Variants in ERBB4 observed in about 807,000 individuals in gnomAD.
ERBB4 encodes the protein receptor tyrosine-protein kinase erbB-4.
In ERBB4, 42 loss-of-function variants were observed where a neutral mutation model predicts 158.0. That is an observed-to-expected ratio of 0.27 (90% CI 0.21 to 0.34). The LOEUF (loss-of-function observed/expected upper bound fraction) is 0.34, where lower values mean the gene tolerates loss of function less well. Ranked by LOEUF, ERBB4 falls within the 10% of genes least tolerant of loss-of-function variation. The pLI is 1.00. For missense variants in ERBB4, 1,333 were observed against 1,624.1 expected (o/e 0.82, Z 3.08); for synonymous variants, 583 against 558.7 (o/e 1.04, Z -0.61).
At chr2:212,170,377 A>T (rs1399822304) in intron 1 of ERBB4, among the ~76,000 whole-genome samples, 2 of 152,164 alleles carry the variant, frequency 1.3e-5, no homozygotes, top group Non-Finnish European at 2.9e-5. Flanking sequence ...GCAGAGTATA[A>T]AAGTTTGGAA....
rs571642731 is a variant in ERBB4, at chr2:212,118,921, T to C, written c.234+5831A>G. ...TTCAAAAAACTATACTTTCTGACTT[T>C]TTCAAAGTCATTGCCTTTTACTATC... is the stretch of plus-strand genomic sequence containing the variant. On this transcript the variant is annotated intron_variant, in intron 2 of 27. Transcript: ENST00000342788. Among the ~76,000 whole-genome samples, 10 of 152,152 alleles carry C rather than the reference T, an allele frequency of 6.6e-5. No individual in the cohort carries two copies. In the East Asian group the frequency reaches 1.9e-3, roughly 29 times the overall value.
intron 2 of ERBB4, among the ~76,000 whole-genome samples, chr2:212,088,724 A>G (rs1368883205): frequency 1.3e-5 from 2 of 152,178 alleles, no homozygotes; most frequent in African/African-American, 2.4e-5. Flanking sequence ...GAAAAGACAC[A>G]TAATTCATAG....
chr2:211,570,419 GC>G (rs1340345334), intron 19 of ERBB4, among the ~76,000 whole-genome samples: 2 of 145,950 alleles, frequency 1.4e-5, no homozygotes, highest in African/African-American at 5.2e-5. Flanking sequence ...ACCCACCTTG[GC>G]CCCCCAAAGT....
chr2:211,444,546 T>G (rs1418394114), intron 20 of ERBB4, among the ~76,000 whole-genome samples: 1 of 152,122 alleles, frequency 6.6e-6, no homozygotes, highest in Non-Finnish European at 1.5e-5. Context: ...GTGTCCTATA[T>G]TTGTGTATAG....
chr2:212,099,226 G>A (rs1321151059), intron 2 of ERBB4, among the ~76,000 whole-genome samples: 2 of 151,550 alleles, frequency 1.3e-5, no homozygotes, highest in Admixed American at 1.3e-4. Context: ...ACTGCAGCCT[G>A]GGTGAAAAAG....
At chr2:212,372,991 G>T (rs2090141425) in intron 1 of ERBB4, among the ~76,000 whole-genome samples, 1 of 151,924 alleles carries the variant, frequency 6.6e-6, no homozygotes, top group African/African-American at 2.4e-5. Context: ...GCAGTAAATT[G>T]GTATAGAAAA....
In ERBB4 at chr2:211,422,120, G is replaced by T; in HGVS notation, c.2867-16C>A. 6.7e-7 allele frequency: 1 copy of T among 1,495,540 alleles called. No homozygotes were observed. Among genetic ancestry groups the T allele is most frequent in the Non-Finnish European group, 9.3e-7 (1 of 1,072,350 alleles). 92.6% of individuals were successfully genotyped at this position (1,495,540 alleles called of 1,614,324 possible). A position where few individuals can be genotyped will look rare whatever the true frequency, so the allele number is the denominator to read the frequency against. On this transcript the variant is annotated splice_polypyrimidine_tract_variant and intron_variant, in intron 23 of 27. Transcript: ENST00000342788. ...ATCATCCAACCTGGAAATTTACACA[G>T]TGAAAATGTCACTATATTCGTAACT...
intron 1 of ERBB4, among the ~76,000 whole-genome samples, chr2:212,219,853 C>T (rs1574460180): frequency 1.3e-5 from 2 of 150,538 alleles, no homozygotes; most frequent in East Asian, 3.9e-4. Flanking sequence ...TCAATGAAAA[C>T]AACCTTTTAT....
chr2:212,058,964 T>A (rs1333015950), intron 2 of ERBB4, among the ~76,000 whole-genome samples: 1 of 152,102 alleles, frequency 6.6e-6, no homozygotes. Flanking sequence ...GAGAAAGAAA[T>A]AAAGGGTATT....
chr2:211,623,657 C>T (rs545751031), intron 18 of ERBB4, among the ~76,000 whole-genome samples: 131 of 152,150 alleles, frequency 8.6e-4, no homozygotes, highest in Non-Finnish European at 7.9e-4. Flanking sequence ...ATATGACATA[C>T]GGGGCTCAGA....
chr2:212,487,106 G>A (rs956956844), intron 1 of ERBB4, among the ~76,000 whole-genome samples: 1 of 152,022 alleles, frequency 6.6e-6, no homozygotes, highest in African/African-American at 2.4e-5. Flanking sequence ...TACTAAATTA[G>A]ATAATCCCTT....
intron 1 of ERBB4, among the ~76,000 whole-genome samples, chr2:212,152,696 A>G (rs1401472754): frequency 6.6e-6 from 1 of 152,130 alleles, no homozygotes; most frequent in African/African-American, 2.4e-5. Flanking sequence ...CTAACTGCCT[A>G]TTGAATATCT....
At chr2:212,163,928 G>A (rs889784235) in intron 1 of ERBB4, among the ~76,000 whole-genome samples, 1 of 151,970 alleles carries the variant, frequency 6.6e-6, no homozygotes, top group Non-Finnish European at 1.5e-5. Flanking sequence ...AAGTAGCTGA[G>A]ACTACAGGTA....
intron 1 of ERBB4, among the ~76,000 whole-genome samples, chr2:212,446,995 C>CT (rs771259936): frequency 0.013 from 1,744 of 136,584 alleles, 32 homozygotes; most frequent in African/African-American, 0.04. Flanking sequence ...CCAAATTTTT[C>CT]TTTTTTTTTT....
At chr2:211,550,309 T>A (rs558210920) in intron 20 of ERBB4, among the ~76,000 whole-genome samples, 1 of 151,996 alleles carries the variant, frequency 6.6e-6, no homozygotes, top group South Asian at 2.1e-4. Flanking sequence ...GCTCTTTTCT[T>A]CTAACCCAAA....
chr2:212,342,479 T>C (rs1057061025), intron 1 of ERBB4, among the ~76,000 whole-genome samples: 1 of 152,180 alleles, frequency 6.6e-6, no homozygotes, highest in African/African-American at 2.4e-5. Flanking sequence ...TCTCTAGCCA[T>C]GTGGAACTGT....
chr2:211,389,076 C>T (rs2062746740), intron 25 of ERBB4, among the ~76,000 whole-genome samples: 1 of 152,160 alleles, frequency 6.6e-6, no homozygotes, highest in Non-Finnish European at 1.5e-5. Flanking sequence ...CGCTCTGTCA[C>T]CCAGGCTGGA....
intron 1 of ERBB4, among the ~76,000 whole-genome samples, chr2:212,454,922 C>A (rs117273439): frequency 2.0e-5 from 3 of 151,998 alleles, no homozygotes; most frequent in Non-Finnish European, 4.4e-5. Context: ...AAATGACCGC[C>A]ACCTCACTTC....
In ERBB4 at chr2:211,386,868, C is replaced by G. The variant is rs1420878966; in HGVS notation, c.3466G>C (p.Asp1156His). 2 of 1,614,142 alleles carry G rather than the reference C, an allele frequency of 1.2e-6. No individual in the cohort carries two copies. Among genetic ancestry groups the G allele is most frequent in the Admixed American group, 1.7e-5 (1 of 60,020 alleles). Residue 1156 changes from aspartate (D) to histidine (H), a missense_variant, in exon 27 of 28, where the codon GAC (aspartate) becomes CAC (histidine). This residue lies in a region of ERBB4 where 252 missense variants were observed against 241.3 expected (regional missense o/e 1.04). Transcript: ENST00000342788. The part of the protein sequence containing the change: ...DEEGYMTPMR[D>H]KPKQEYLNPV... ...CAGTTCATACCTTGTTTGGGTTTGTCTCGCATAGGAGTCATGTAACCTTCC... is the reference window on the plus strand; with the variant it reads ...CAGTTCATACCTTGTTTGGGTTTGTGTCGCATAGGAGTCATGTAACCTTCC...
Sources: gnomAD v4.1 joint callset for allele counts (sites outside exome capture counted in the v4.1 genomes callset) on GRCh38, gnomAD v4.1.1 for gene constraint, gnomAD v4.1.1 regional missense constraint, MANE v1.5 for transcripts, NCBI Gene and HGNC (gene_info 2026-07-23, HGNC 2026-07-21) for gene names.